The following ULK4 variants were observed in gnomAD, a reference collection of about 807,000 sequenced individuals.
ULK4 encodes inactive serine/threonine-protein kinase ULK4.
ULK4 carries 133 observed loss-of-function variants against 160.6 expected under a neutral mutation model. The ratio of observed to expected loss-of-function variants is 0.83; its 90% CI spans 0.72 to 0.96. The LOEUF (loss-of-function observed/expected upper bound fraction) is 0.96. ULK4 is among the 40% of genes least tolerant of loss of function. The pLI is 0.00. For synonymous variants in ULK4, 534 were observed against 539.8 expected, an observed-to-expected ratio of 0.99 and a Z score of 0.15; for missense variants, 1,580 against 1,499.5, an observed-to-expected ratio of 1.05 and a Z score of -0.89.
chr3:41,409,298 G>T (rs1165609119), intron 34 of ULK4, among the ~76,000 whole-genome samples: 1 of 152,020 alleles, frequency 6.6e-6, no homozygotes, highest in African/African-American at 2.4e-5. Context: ...AGAAAACACA[G>T]GAGCAAGTCT....
At position 41,323,465 on chromosome 3, in the gene ULK4, G is replaced by A. The variant is rs546630942; in HGVS notation, c.3679-73891C>T. The stretch of plus-strand genomic sequence containing the variant: ...CAAAAACCAAAAAAACAGAGGCATG[G>A]TACTTCTGTCTAGTGAGAAAAACTT... On this transcript the variant is annotated intron_variant, in intron 35 of 36. Coordinates refer to ENST00000301831, the MANE Select transcript of ULK4 (RefSeq NM_017886.4). Among the ~76,000 whole-genome samples the A allele has an allele frequency of 1.6e-4, 24 of 149,572 alleles. No individual in the cohort carries two copies. In the East Asian group the frequency reaches 3.6e-3, roughly 22 times the overall value.
chr3:41,787,578 C>T (rs2040033669), intron 21 of ULK4, among the ~76,000 whole-genome samples: 3 of 152,164 alleles, frequency 2.0e-5, no homozygotes, highest in African/African-American at 7.2e-5. Flanking sequence ...AAATAACATC[C>T]ACCACCACCC....
intron 30 of ULK4, among the ~76,000 whole-genome samples, chr3:41,657,834 A>AAAAAAAAAAAAAAAAAAC (rs1553628520): frequency 7.3e-5 from 11 of 150,064 alleles, no homozygotes; most frequent in African/African-American, 2.7e-4. Flanking sequence ...AAAAAAAAAA[A>AAAAAAAAAAAAAAAAAAC]ACACACACCA....
intron 11 of ULK4, 102 bp downstream of exon 11, chr3:41,911,215 G>T: frequency 1.7e-6 from 2 of 1,144,076 alleles, no homozygotes; most frequent in Non-Finnish European, 2.5e-6. Flanking sequence ...TAAAATTCCT[G>T]TTCTTTATCT....
intron 22 of ULK4, among the ~76,000 whole-genome samples, chr3:41,718,397 C>A (rs2037342745): frequency 3.3e-5 from 5 of 152,118 alleles, no homozygotes; most frequent in Admixed American, 3.3e-4. Context: ...CCTTTTAAAG[C>A]TAACTTATTT....
chr3:41,662,301 T>C lies in ULK4; in HGVS notation c.3071+1306A>G, dbSNP rs1282126122. 2.0e-5 allele frequency among the ~76,000 whole-genome samples: 3 copies of C among 152,200 alleles called. No homozygotes were observed. In the East Asian group the frequency reaches 5.8e-4, roughly 29 times the overall value. ...TATTAACTTAGGGCTCCCCGGATTC[T>C]TTTGCAACATGGCTCAGAATAGATG... On this transcript the variant is annotated intron_variant, in intron 30 of 36. Coordinates refer to ENST00000301831, the MANE Select transcript of ULK4 (RefSeq NM_017886.4).
chr3:41,385,358 G>A lies in ULK4; in HGVS notation c.3678+12721C>T, dbSNP rs113906537. Among the ~76,000 whole-genome samples the A allele has an allele frequency of 4.1e-3, 617 of 152,132 alleles. 2 individuals are homozygous for A. Among genetic ancestry groups the A allele is most frequent in the Non-Finnish European group, 5.5e-3 (377 of 67,990 alleles). On this transcript the variant is annotated intron_variant, in intron 35 of 36. Coordinates refer to ENST00000301831, the MANE Select transcript of ULK4 (RefSeq NM_017886.4). ...CAGAAGATGCTGTAGAGAGAGTAGG[G>A]AACAAATTTTATCTGCTAGGATTAC... is the stretch of plus-strand genomic sequence containing the variant.
At chr3:41,655,601 G>C (rs1294290207) in intron 30 of ULK4, among the ~76,000 whole-genome samples, 1 of 152,114 alleles carries the variant, frequency 6.6e-6, no homozygotes, top group Non-Finnish European at 1.5e-5. Flanking sequence ...CAGCTACTCA[G>C]GAGGCTAAGG....
At position 41,570,346 on chromosome 3, in the gene ULK4, A is replaced by T. The variant is rs145946062; in HGVS notation, c.3121-4216T>A. 8.9e-3 allele frequency among the ~76,000 whole-genome samples: 1,360 copies of T among 152,348 alleles called. 81 individuals are homozygous for T. Among genetic ancestry groups the T allele is most frequent in the Admixed American group, 0.081 (1,239 of 15,298 alleles). On this transcript the variant is annotated intron_variant, in intron 31 of 36. Coordinates refer to ENST00000301831, the MANE Select transcript of ULK4 (RefSeq NM_017886.4). ...CACTGACACCAGCTTAAGAAGATTA[A>T]TGTGGAAGCAATGGTCTGCCACCAA...
chr3:41,533,786 A>G (rs968550275), intron 32 of ULK4, among the ~76,000 whole-genome samples: 1 of 152,214 alleles, frequency 6.6e-6, no homozygotes, highest in African/African-American at 2.4e-5. Context: ...AAGTAAAGAA[A>G]TAGAAGAGAG....
At chr3:41,444,329 G>A (rs745347898) in intron 34 of ULK4, among the ~76,000 whole-genome samples, 4 of 150,314 alleles carry the variant, frequency 2.7e-5, no homozygotes, top group Non-Finnish European at 5.9e-5. Flanking sequence ...CTTTTCTCTT[G>A]GGGGTATCTC....
At chr3:41,570,091 A>T (rs1316009943) in intron 31 of ULK4, among the ~76,000 whole-genome samples, 2 of 152,184 alleles carry the variant, frequency 1.3e-5, no homozygotes, top group African/African-American at 4.8e-5. Context: ...CGTGGTTTCC[A>T]AGGCTTACAA....
intron 22 of ULK4, among the ~76,000 whole-genome samples, chr3:41,735,501 C>A (rs2037999972): frequency 6.6e-6 from 1 of 152,046 alleles, no homozygotes; most frequent in African/African-American, 2.4e-5. Flanking sequence ...ACTCCACTGC[C>A]TATTTCTACT....
intron 19 of ULK4, among the ~76,000 whole-genome samples, chr3:41,807,913 C>A (rs1307386386): frequency 6.6e-5 from 10 of 152,126 alleles, no homozygotes; most frequent in Admixed American, 5.9e-4. Context: ...ATCCATTTGA[C>A]AAATTTGAAA....
intron 2 of ULK4, among the ~76,000 whole-genome samples, chr3:41,945,703 C>G (rs1351515517): frequency 1.3e-5 from 2 of 152,228 alleles, no homozygotes; most frequent in Admixed American, 1.3e-4. Flanking sequence ...CTTAAATTTA[C>G]ATCTCCACCC....
At chr3:41,384,411 T>TAC (rs1327639799) in intron 35 of ULK4, among the ~76,000 whole-genome samples, 2 of 152,124 alleles carry the variant, frequency 1.3e-5, no homozygotes, top group African/African-American at 4.8e-5. Flanking sequence ...AAAAAAAGAC[T>TAC]ATAATAGTCA....
At chr3:41,901,239 G>T (rs1698347955) in intron 12 of ULK4, among the ~76,000 whole-genome samples, 1 of 145,446 alleles carries the variant, frequency 6.9e-6, no homozygotes, top group Admixed American at 7.0e-5. Flanking sequence ...GAGTACAGTA[G>T]CGTGATCTCG....
intron 21 of ULK4, among the ~76,000 whole-genome samples, chr3:41,756,308 T>A (rs1391409070): frequency 6.6e-6 from 1 of 152,200 alleles, no homozygotes; most frequent in African/African-American, 2.4e-5. Flanking sequence ...TTTCCTTTAT[T>A]CCATCTATTC....
chr3:41,624,079 C>T (rs1451760981), intron 30 of ULK4, among the ~76,000 whole-genome samples: 4 of 152,162 alleles, frequency 2.6e-5, no homozygotes, highest in East Asian at 1.9e-4. Context: ...TATTTTCTCT[C>T]TTTCCTGGGC....
Sources: allele counts gnomAD v4.1 joint callset (sites outside exome capture counted in the v4.1 genomes callset), GRCh38; gene constraint gnomAD v4.1.1; transcripts MANE v1.5; gene names NCBI Gene and HGNC (gene_info 2026-07-23, HGNC 2026-07-21).